RIMS4: variants seen among roughly 807,000 people sequenced by gnomAD.
RIMS4 encodes the protein regulating synaptic membrane exocytosis 4.
In RIMS4, 9 loss-of-function variants were observed where a neutral mutation model predicts 29.0. That is an observed-to-expected ratio of 0.31 (90% CI 0.19 to 0.54). The LOEUF (loss-of-function observed/expected upper bound fraction) is 0.54, where lower values mean the gene tolerates loss of function less well. RIMS4 is among the 20% of genes least tolerant of loss of function. The pLI is 0.94. For missense variants in RIMS4, 193 were observed against 365.7 expected, an observed-to-expected ratio of 0.53 and a Z score of 3.85; for synonymous variants, 130 against 152.9, an observed-to-expected ratio of 0.85 and a Z score of 1.10.
chr20:44,804,371 A>T (rs1044650698), intron 1 of RIMS4, among the ~76,000 whole-genome samples: 1 of 152,222 alleles, frequency 6.6e-6, no homozygotes, highest in African/African-American at 2.4e-5. Context: ...TTCAAATCCA[A>T]GCCCAGGTAT....
At chr20:44,806,220 T>G (rs950621266) in intron 1 of RIMS4, among the ~76,000 whole-genome samples, 1 of 152,234 alleles carries the variant, frequency 6.6e-6, no homozygotes, top group African/African-American at 2.4e-5. Flanking sequence ...GGGGGAGAAC[T>G]GGACGCTGAA....
intron 1 of RIMS4, among the ~76,000 whole-genome samples, chr20:44,801,140 CCA>C (rs1407322498): frequency 6.6e-6 from 1 of 152,170 alleles, no homozygotes; most frequent in Non-Finnish European, 1.5e-5. Context: ...CTAGAAAGGG[CCA>C]GAGATGCAAA....
intron 2 of RIMS4, among the ~76,000 whole-genome samples, chr20:44,764,151 T>TCCATCC (rs2066100824): frequency 4.9e-5 from 2 of 40,722 alleles, no homozygotes; most frequent in African/African-American, 1.2e-4. Context: ...TGCATCCATT[T>TCCATCC]ATCCATCCAT....
rs191740059 is a variant in RIMS4, at chr20:44,769,652, G to A, written c.236+1623C>T. Among the ~76,000 whole-genome samples the A allele has an allele frequency of 2.2e-4, 34 of 152,260 alleles. No individual in the cohort carries two copies. The East Asian group carries it at 4.2e-3, about 19-fold the overall frequency. On this transcript the variant is annotated intron_variant, in intron 2 of 5. Coordinates refer to ENST00000372851, the MANE Select transcript of RIMS4 (RefSeq NM_182970.4). The stretch of plus-strand genomic sequence containing the variant: ...TCCTCCTCCTCCTCCTCTCCCTTCC[G>A]CTGTCCTCCTCCTGTTCTCGCCCAC...
intron 1 of RIMS4, among the ~76,000 whole-genome samples, chr20:44,779,416 A>T (rs865827597): frequency 3.3e-5 from 5 of 152,218 alleles, no homozygotes; most frequent in African/African-American, 4.8e-5. Flanking sequence ...ACTTTCCACC[A>T]AAAGTAGCAT....
intron 1 of RIMS4, among the ~76,000 whole-genome samples, chr20:44,778,956 T>C (rs1014854109): frequency 6.6e-6 from 1 of 152,248 alleles, no homozygotes; most frequent in African/African-American, 2.4e-5. Flanking sequence ...GTGGCCTGCC[T>C]GAGCTTCCCA....
At chr20:44,758,279 G>T in intron 2 of RIMS4, 95 bp from the exon 3 acceptor site, 1 of 786,110 alleles carries the variant, frequency 1.3e-6, no homozygotes, top group Non-Finnish European at 2.1e-6. Flanking sequence ...TGGATATGCT[G>T]AAACTTCCCT....
intron 1 of RIMS4, among the ~76,000 whole-genome samples, chr20:44,773,390 C>T (rs2066145372): frequency 6.6e-6 from 1 of 152,092 alleles, no homozygotes; most frequent in South Asian, 2.1e-4. Flanking sequence ...GAAAGAACCA[C>T]TCACATGCAC....
intron 2 of RIMS4, 91 bp downstream of exon 2, chr20:44,771,184 C>T: frequency 2.0e-6 from 3 of 1,466,900 alleles, no homozygotes; most frequent in South Asian, 1.4e-5. Flanking sequence ...CCTGGAGCTG[C>T]CCTAGGGCTC....
rs2066210069 is a variant in RIMS4 at position 44,786,647 on chromosome 20, A to G, written c.98-15234T>C. On this transcript the variant is annotated intron_variant, in intron 1 of 5. Coordinates refer to ENST00000372851, the MANE Select transcript of RIMS4 (RefSeq NM_182970.4). ...CAACTATAGTCTAAGTGCTTAGAAG[A>G]GAACTGTACCATGGTCACCCCATGT... Among the ~76,000 whole-genome samples the G allele has an allele frequency of 2.0e-5, 3 of 152,204 alleles. 1 individual carries two copies. The South Asian group carries it at 6.2e-4, about 32-fold the overall frequency.
Position 44,766,062 on chromosome 20 carries a change from G to C in RIMS4, c.236+5213C>G, listed in dbSNP as rs570389190. ...ACAGACACACATGTGACAAGATAGA[G>C]AGTGGAGGGCACTGTGGTGGGGGAG... On this transcript the variant is annotated intron_variant, in intron 2 of 5. Transcript: ENST00000372851. Among the ~76,000 whole-genome samples the C allele has an allele frequency of 8.5e-5, 13 of 152,352 alleles. No individual in the cohort carries two copies. In the South Asian group the frequency reaches 2.7e-3, roughly 32 times the overall value.
At chr20:44,780,524 A>G (rs879913100) in intron 1 of RIMS4, among the ~76,000 whole-genome samples, 11 of 152,224 alleles carry the variant, frequency 7.2e-5, no homozygotes, top group African/African-American at 1.4e-4. Context: ...ATCTTCCCAC[A>G]TAAAGACAGG....
intron 1 of RIMS4, among the ~76,000 whole-genome samples, chr20:44,796,189 C>T (rs1601042784): frequency 6.6e-6 from 1 of 151,184 alleles, no homozygotes; most frequent in Admixed American, 6.6e-5. Context: ...CATGTCAGTT[C>T]TCCCTGCTAT....
At chr20:44,783,933 C>G (rs2066196484) in intron 1 of RIMS4, among the ~76,000 whole-genome samples, 1 of 152,168 alleles carries the variant, frequency 6.6e-6, no homozygotes, top group South Asian at 2.1e-4. Flanking sequence ...AATATTAAAA[C>G]CCACTGAATT....
chr20:44,765,616 A>G lies in RIMS4; in HGVS notation c.236+5659T>C, dbSNP rs555093729. Among the ~76,000 whole-genome samples, 10 of 152,304 alleles carry G rather than the reference A, an allele frequency of 6.6e-5. No homozygotes were observed. In the East Asian group the frequency reaches 1.9e-3, roughly 29 times the overall value. ...CTGCTAAATAGTAGAGGTGGGGAAG[A>G]AAAGGGGGTTCTGACCACCCACCCA... On this transcript the variant is annotated intron_variant, in intron 2 of 5. Coordinates refer to ENST00000372851, the MANE Select transcript of RIMS4 (RefSeq NM_182970.4).
chr20:44,799,580 C>A (rs1166773605), intron 1 of RIMS4, among the ~76,000 whole-genome samples: 2 of 152,138 alleles, frequency 1.3e-5, no homozygotes, highest in African/African-American at 4.8e-5. Flanking sequence ...ATTAGAGGAC[C>A]CAATTAGTGA....
chr20:44,810,158 G>A lies in RIMS4; in HGVS notation c.97+17C>T. 5.2e-6 allele frequency: 8 copies of A among 1,548,990 alleles called. No individual in the cohort carries two copies. The highest frequency in any genetic ancestry group is 6.2e-6 in the Non-Finnish European group (7 of 1,135,548). ...CCGGGACACCCCGGGGGTCTGGGGG[G>A]CGGGCCGCGCGCTTACCTGCGTCCT... is the stretch of plus-strand genomic sequence containing the variant. On this transcript the variant is annotated intron_variant, in intron 1 of 5. Coordinates refer to ENST00000372851, the MANE Select transcript of RIMS4 (RefSeq NM_182970.4).
intron 2 of RIMS4, among the ~76,000 whole-genome samples, chr20:44,758,827 G>A (rs911838874): frequency 6.6e-6 from 1 of 152,192 alleles, no homozygotes; most frequent in African/African-American, 2.4e-5. Flanking sequence ...CCAGACTTGA[G>A]CCTGAGATGC....
intron 2 of RIMS4, among the ~76,000 whole-genome samples, chr20:44,764,089 TCCACC>T (rs1568895518): frequency 3.8e-5 from 2 of 52,624 alleles, no homozygotes; most frequent in African/African-American, 5.7e-5. Flanking sequence ...CATCCATCCA[TCCACC>T]CATCCATCCG....
Sources: allele counts gnomAD v4.1 joint callset (sites outside exome capture counted in the v4.1 genomes callset), GRCh38; gene constraint gnomAD v4.1.1; transcripts MANE v1.5; gene names NCBI Gene and HGNC (gene_info 2026-07-23, HGNC 2026-07-21).